Variants in ART1 observed in about 807,000 individuals in gnomAD.
The protein encoded by ART1 is GPI-linked NAD(P)(+)--arginine ADP-ribosyltransferase 1.
Under a neutral mutation model 27.0 loss-of-function variants are expected in ART1, and 29 were observed. The observed-to-expected ratio is 1.08, with a 90% CI of 0.80 to 1.47. The LOEUF (loss-of-function observed/expected upper bound fraction) is 1.47. Among genes scored for constraint, ART1 ranks in the 40% most tolerant of loss-of-function variants. ART1 has a pLI of 0.00. For missense variants in ART1, 480 were observed against 423.0 expected (o/e 1.13, Z -1.18); for synonymous variants, 201 against 172.2 (o/e 1.17, Z -1.31).
chr11:3,646,190 A>G (rs2077468767), intron 1 of ART1, among the ~76,000 whole-genome samples: 1 of 152,136 alleles, frequency 6.6e-6, no homozygotes, highest in South Asian at 2.1e-4. Context: ...TGTAAGGAAC[A>G]TGACCAGAGT....
intron 4 of ART1, among the ~76,000 whole-genome samples, chr11:3,662,780 G>A (rs530531848): frequency 2.0e-5 from 3 of 152,210 alleles, no homozygotes; most frequent in Non-Finnish European, 4.4e-5. Flanking sequence ...GGAGGCGGAG[G>A]TTGCTGTGAG....
intron 1 of ART1, among the ~76,000 whole-genome samples, chr11:3,653,703 G>A (rs182093323): frequency 2.6e-5 from 4 of 152,256 alleles, no homozygotes; most frequent in Admixed American, 2.6e-4. Flanking sequence ...TTTAAAGAAT[G>A]GAAACCTGGG....
At chr11:3,652,343 C>G (rs1185333930) in intron 1 of ART1, among the ~76,000 whole-genome samples, 1 of 149,288 alleles carries the variant, frequency 6.7e-6, no homozygotes, top group African/African-American at 2.6e-5. Context: ...TGAAAACAGA[C>G]CAGCCTTTAC....
chr11:3,646,109 A>G (rs1051802377), intron 1 of ART1, among the ~76,000 whole-genome samples: 6 of 151,280 alleles, frequency 4.0e-5, no homozygotes, highest in Non-Finnish European at 7.4e-5. Flanking sequence ...CATGATTTTC[A>G]TCTCTGCATT....
At chr11:3,647,657 T>G (rs986024051) in intron 1 of ART1, among the ~76,000 whole-genome samples, 3 of 144,914 alleles carry the variant, frequency 2.1e-5, no homozygotes, top group African/African-American at 5.7e-5. Context: ...AATATATAAA[T>G]AAAAATAAAA....
chr11:3,647,270 C>T (rs375767183), intron 1 of ART1, among the ~76,000 whole-genome samples: 2 of 151,108 alleles, frequency 1.3e-5, no homozygotes, highest in Non-Finnish European at 2.9e-5. Flanking sequence ...TGCAGTGAGT[C>T]GAGATTGCAC....
intron 1 of ART1, among the ~76,000 whole-genome samples, chr11:3,650,232 G>A (rs1226167422): frequency 6.6e-6 from 1 of 152,148 alleles, no homozygotes; most frequent in Non-Finnish European, 1.5e-5. Flanking sequence ...TCTGGCCACT[G>A]GGCCAAGGAA....
chr11:3,659,547 C>G, intron 2 of ART1, 36 bp from the exon 3 acceptor site: 1 of 1,551,002 alleles, frequency 6.4e-7, no homozygotes, highest in Non-Finnish European at 8.7e-7. Flanking sequence ...TCCCAGGGGC[C>G]TATCCTCTCA....
intron 1 of ART1, among the ~76,000 whole-genome samples, chr11:3,656,744 A>C (rs1347920546): frequency 6.6e-6 from 1 of 151,996 alleles, no homozygotes; most frequent in Non-Finnish European, 1.5e-5. Context: ...CTCCCGCCTC[A>C]GTCTCCCAAA....
intron 4 of ART1, among the ~76,000 whole-genome samples, chr11:3,662,441 C>T (rs1206012945): frequency 1.3e-5 from 2 of 152,152 alleles, no homozygotes; most frequent in Admixed American, 6.5e-5. Flanking sequence ...CAGGAAGGAC[C>T]CCCCAGCTTC....
At chr11:3,655,147 G>T (rs1016020762) in intron 1 of ART1, among the ~76,000 whole-genome samples, 1 of 152,194 alleles carries the variant, frequency 6.6e-6, no homozygotes, top group South Asian at 2.1e-4. Context: ...CTTGCTCTGG[G>T]CTGGGCTCAG....
At position 3,651,848 on chromosome 11, in the gene ART1, C is replaced by A. The variant is rs559745973; in HGVS notation, c.-53+6669C>A. ...CCCATGACTGTATGTCTCTGATCCA[C>A]CTGACATTCACCCCATTTCCCCATA... On this transcript the variant is annotated intron_variant, in intron 1 of 4. Transcript: ENST00000250693. Among the ~76,000 whole-genome samples the A allele has an allele frequency of 2.0e-5, 3 of 151,130 alleles. No individual in the cohort carries two copies. The South Asian group carries it at 6.3e-4, about 32-fold the overall frequency.
intron 1 of ART1, among the ~76,000 whole-genome samples, chr11:3,657,800 T>C (rs2077586163): frequency 6.6e-6 from 1 of 152,188 alleles, no homozygotes; most frequent in Non-Finnish European, 1.5e-5. Flanking sequence ...GAGAAGGATT[T>C]ATATACCTAA....
At chr11:3,662,782 T>A (rs889230561) in intron 4 of ART1, among the ~76,000 whole-genome samples, 1 of 152,186 alleles carries the variant, frequency 6.6e-6, no homozygotes, top group Admixed American at 6.5e-5. Context: ...AGGCGGAGGT[T>A]GCTGTGAGCC....
At position 3,659,602 on chromosome 11, in the gene ART1, C is replaced by T. The variant is rs1483184940; in HGVS notation, c.83C>T (p.Thr28Ile). ...EALQAQSHPITRRDLFSQEIQ... is the reference protein window; with the variant it reads ...EALQAQSHPIIRRDLFSQEIQ... ...CCTCAGGCCCAGAGCCACCCCATCA[C>T]ACGACGAGACCTCTTCTCTCAAGAG... is the stretch of plus-strand genomic sequence containing the variant. The change falls in exon 3 of 5, where the codon ACA (threonine) becomes ATA (isoleucine). Residue 28 changes from threonine to isoleucine, a missense_variant. Transcript: ENST00000250693. The T allele has an allele frequency of 3.1e-6, 5 of 1,605,154 alleles. No individual in the cohort carries two copies. The highest frequency in any genetic ancestry group is 4.2e-6 in the Non-Finnish European group (5 of 1,176,784).
rs139601876 is a variant in ART1, at chr11:3,660,260, G to A, written c.741G>A (p.Glu247=). ...GEEEVLIPPF[E]TFQVINASRL... is the part of the protein sequence containing the mutation. ...AAGAGGTGCTGATCCCCCCCTTTGA[G>A]ACCTTCCAAGTGATCAATGCCAGCA... Residue 247 remains glutamate (E), a synonymous_variant, in exon 3 of 5, where the codon GAG becomes GAA. Transcript: ENST00000250693. 2.5e-4 allele frequency: 405 copies of A among 1,613,108 alleles called. No homozygotes were observed. The African/African-American group carries it at 4.6e-3, about 18-fold the overall frequency.
intron 4 of ART1, among the ~76,000 whole-genome samples, chr11:3,661,615 CTCT>C (rs1194516491): frequency 6.6e-6 from 1 of 151,848 alleles, no homozygotes; most frequent in Non-Finnish European, 1.5e-5. Context: ...CTGCCTCAGC[CTCT>C]TGATTACAGC....
intron 1 of ART1, among the ~76,000 whole-genome samples, chr11:3,646,723 G>A (rs2077471739): frequency 6.6e-6 from 1 of 152,172 alleles, no homozygotes; most frequent in South Asian, 2.1e-4. Context: ...GTGACTCTCA[G>A]ATGTCTCCTT....
At chr11:3,649,346 A>G (rs897797641) in intron 1 of ART1, among the ~76,000 whole-genome samples, 1 of 152,194 alleles carries the variant, frequency 6.6e-6, no homozygotes, top group African/African-American at 2.4e-5. Flanking sequence ...CAATTTTTCC[A>G]TCCTGCAAGA....
Sources: allele counts gnomAD v4.1 joint callset (sites outside exome capture counted in the v4.1 genomes callset), GRCh38; gene constraint gnomAD v4.1.1; transcripts MANE v1.5; gene names NCBI Gene and HGNC (gene_info 2026-07-23, HGNC 2026-07-21).